Variants in DIO2 observed in about 807,000 individuals in gnomAD.
DIO2 encodes type II iodothyronine deiodinase.
Under a neutral mutation model 21.4 loss-of-function variants are expected in DIO2, and 19 were observed. The ratio of observed to expected loss-of-function variants is 0.89; its 90% CI spans 0.62 to 1.30. The LOEUF (loss-of-function observed/expected upper bound fraction) is 1.30, where lower values mean the gene tolerates loss of function less well. Among genes scored for constraint, DIO2 ranks in the 50% most tolerant of loss-of-function variants. The pLI, the probability that DIO2 is intolerant of heterozygous loss-of-function variation, is 0.00. For missense variants in DIO2, 302 were observed against 338.1 expected, an observed-to-expected ratio of 0.89 and a Z score of 0.84; for synonymous variants, 122 against 132.9, an observed-to-expected ratio of 0.92 and a Z score of 0.57.
intron 2 of DIO2, among the ~76,000 whole-genome samples, chr14:80,218,769 G>A (rs1351123123): frequency 6.6e-6 from 1 of 152,146 alleles, no homozygotes; most frequent in East Asian, 1.9e-4. Flanking sequence ...CTTGAGGCCA[G>A]GAGTTCGAGA....
intron 2 of DIO2, among the ~76,000 whole-genome samples, chr14:80,218,969 C>T (rs530392277): frequency 6.6e-6 from 1 of 152,220 alleles, no homozygotes; most frequent in African/African-American, 2.4e-5. Flanking sequence ...CAGAGTGAGA[C>T]TCTGTCTCAA....
At chr14:80,208,100 C>T (rs981251158) in intron 1 of DIO2, among the ~76,000 whole-genome samples, 1 of 152,206 alleles carries the variant, frequency 6.6e-6, no homozygotes, top group African/African-American at 2.4e-5. Context: ...TAGGTAAGAG[C>T]CAGGCTCCCA....
chr14:80,226,255 C>A (rs981560405), intron 2 of DIO2, among the ~76,000 whole-genome samples: 3 of 152,212 alleles, frequency 2.0e-5, no homozygotes, highest in African/African-American at 7.2e-5. Flanking sequence ...TTCCACCATT[C>A]TATCAATCCA....
At chr14:80,220,863 A>G (rs929879047) in intron 2 of DIO2, among the ~76,000 whole-genome samples, 2 of 152,294 alleles carry the variant, frequency 1.3e-5, no homozygotes, top group South Asian at 4.1e-4. Flanking sequence ...TGTATAGGCC[A>G]TCTCAAGAAA....
intron 2 of DIO2, among the ~76,000 whole-genome samples, chr14:80,223,699 G>A (rs936462318): frequency 5.9e-5 from 9 of 152,164 alleles, no homozygotes; most frequent in African/African-American, 2.2e-4. Flanking sequence ...TTCTCTGAGG[G>A]AACAGCATAT....
At chr14:80,216,763 G>T (rs1289023944) in intron 2 of DIO2, 1 of 152,034 alleles carries the variant, frequency 6.6e-6, no homozygotes, top group Non-Finnish European at 1.5e-5. Context: ...TAGACCAAAA[G>T]AAACAAAGGA....
chr14:80,224,043 A>C (rs1888519986), intron 2 of DIO2, among the ~76,000 whole-genome samples: 2 of 152,230 alleles, frequency 1.3e-5, no homozygotes, highest in African/African-American at 4.8e-5. Context: ...ACAAGTAAGG[A>C]TTGCTGACTC....
chr14:80,221,622 A>AT (rs1358680340), intron 2 of DIO2, among the ~76,000 whole-genome samples: 4 of 152,204 alleles, frequency 2.6e-5, no homozygotes. Flanking sequence ...AGAAATTGCC[A>AT]TCCAGGTCAT....
intron 2 of DIO2, among the ~76,000 whole-genome samples, chr14:80,226,391 A>G (rs1264210993): frequency 1.3e-5 from 2 of 152,216 alleles, no homozygotes; most frequent in Non-Finnish European, 2.9e-5. Flanking sequence ...GAATATCATG[A>G]TGGTGGAAAA....
At chr14:80,207,507 A>G (rs899265396) in intron 1 of DIO2, among the ~76,000 whole-genome samples, 4 of 152,202 alleles carry the variant, frequency 2.6e-5, no homozygotes, top group African/African-American at 7.2e-5. Context: ...AATTATAAAA[A>G]TGAAGGGTGG....
intron 2 of DIO2, among the ~76,000 whole-genome samples, chr14:80,230,436 T>G (rs1488894965): frequency 6.6e-6 from 1 of 152,182 alleles, no homozygotes; most frequent in Non-Finnish European, 1.5e-5. Flanking sequence ...TCTTAGCAGA[T>G]TTGAGGCTCA....
At chr14:80,223,939 C>A (rs966331701) in intron 2 of DIO2, among the ~76,000 whole-genome samples, 2 of 152,152 alleles carry the variant, frequency 1.3e-5, no homozygotes, top group African/African-American at 4.8e-5. Context: ...TAAGGAAATA[C>A]CGATTATATC....
intron 2 of DIO2, among the ~76,000 whole-genome samples, chr14:80,226,958 A>G (rs747339971): frequency 2.6e-5 from 4 of 152,178 alleles, no homozygotes; most frequent in Admixed American, 6.5e-5. Flanking sequence ...CCTTCTTCCA[A>G]GTCCTTGACC....
rs946369198 is a variant in DIO2 at position 80,200,186 on chromosome 14, T to C, written c.*2503A>G. On this transcript the variant is annotated 3_prime_UTR_variant, in exon 2 of 2. Coordinates refer to ENST00000438257, the MANE Select transcript of DIO2 (RefSeq NM_013989.5). ...GAGCTTTGTCCATTCATTTTCTCCA[T>C]TGGCCCTTCCACAGCCTTTCTTCCA... The C allele has an allele frequency of 1.8e-4, 27 of 152,782 alleles. No homozygotes were observed. The highest frequency in any genetic ancestry group is 5.3e-4 in the African/African-American group (22 of 41,582). 9.5% of individuals were successfully genotyped at this position (152,782 alleles called of 1,614,324 possible). A position where few individuals can be genotyped will look rare whatever the true frequency, so the allele number is the denominator to read the frequency against.
chr14:80,228,053 T>G (rs1345195652), intron 2 of DIO2, among the ~76,000 whole-genome samples: 1 of 152,222 alleles, frequency 6.6e-6, no homozygotes, highest in African/African-American at 2.4e-5. Context: ...GTCTCACCAA[T>G]AAGTCCAGTG....
upstream of DIO2, among the ~76,000 whole-genome samples, chr14:80,215,798 A>C (rs1399584599): frequency 2.0e-5 from 3 of 152,238 alleles, no homozygotes; most frequent in Non-Finnish European, 4.4e-5. Context: ...TACTGCCTCC[A>C]GTGACTCTGC....
chr14:80,208,863 A>G (rs1350089901), intron 1 of DIO2, among the ~76,000 whole-genome samples: 1 of 152,216 alleles, frequency 6.6e-6, no homozygotes, highest in African/African-American at 2.4e-5. Flanking sequence ...GTTTCCATTT[A>G]TCACACACCC....
intron 1 of DIO2, among the ~76,000 whole-genome samples, chr14:80,209,497 A>G (rs1888081536): frequency 6.6e-6 from 1 of 152,172 alleles, no homozygotes; most frequent in Admixed American, 6.5e-5. Flanking sequence ...CCTAATTAAT[A>G]ATATGTCTGA....
In DIO2 at chr14:80,202,835, C is replaced by T. The variant is rs748260528; in HGVS notation, c.676G>A (p.Ala226Thr). 6.2e-7 allele frequency: 1 copy of T among 1,613,956 alleles called. No individual in the cohort carries two copies. Among genetic ancestry groups the T allele is most frequent in the Non-Finnish European group, 8.5e-7 (1 of 1,179,896 alleles). The change falls in exon 2 of 2, where the codon GCC (alanine) becomes ACC (threonine). Residue 226 changes from alanine (A) to threonine (T), a missense_variant. Ala to Thr is a moderately conservative substitution (Grantham distance 58). Transcript: ENST00000438257. ...TGCACAATGCACACACGTTCAAAGG[C>T]TACCCCGTAAGCTATGTTGGCGTTA... is the stretch of plus-strand genomic sequence containing the variant. The part of the protein sequence containing the change: ...DNNANIAYGV[A>T]FERVCIVQRQ...
Sources: allele counts gnomAD v4.1 joint callset (sites outside exome capture counted in the v4.1 genomes callset), GRCh38; gene constraint gnomAD v4.1.1; transcripts MANE v1.5; gene names NCBI Gene and HGNC (gene_info 2026-07-23, HGNC 2026-07-21).